Variants in SPEN observed in about 807,000 individuals in gnomAD.
The protein encoded by SPEN is msx2-interacting protein.
In SPEN, 18 loss-of-function variants were observed where a neutral mutation model predicts 269.9. That is an observed-to-expected ratio of 0.07 (90% CI 0.05 to 0.10). The LOEUF is 0.10. Ranked by LOEUF, SPEN falls within the 10% of genes least tolerant of loss-of-function variation. The pLI, the probability that SPEN is intolerant of heterozygous loss-of-function variation, is 1.00. For missense variants in SPEN, 3,822 were observed against 4,631.2 expected, an observed-to-expected ratio of 0.83 and a Z score of 5.07; for synonymous variants, 1,726 against 1,765.7, an observed-to-expected ratio of 0.98 and a Z score of 0.56.
chr1:15,920,243 A>G (rs2071105863), intron 8 of SPEN, among the ~76,000 whole-genome samples: 1 of 151,914 alleles, frequency 6.6e-6, no homozygotes, highest in Admixed American at 6.6e-5. Flanking sequence ...CTAGTTTTGT[A>G]TTTTTAGTAC....
At chr1:15,882,450 A>G (rs1256252972) in intron 3 of SPEN, among the ~76,000 whole-genome samples, 1 of 152,138 alleles carries the variant, frequency 6.6e-6, no homozygotes, top group East Asian at 1.9e-4. Flanking sequence ...TCATGAGGTC[A>G]GGAATTCAAG....
intron 1 of SPEN, among the ~76,000 whole-genome samples, chr1:15,859,140 GTTTTTT>G (rs34623941): frequency 2.9e-5 from 4 of 135,666 alleles, no homozygotes; most frequent in Admixed American, 7.4e-5. Context: ...TTCTTTTTTA[GTTTTTT>G]TTTTTTTTTT....
intron 1 of SPEN, among the ~76,000 whole-genome samples, chr1:15,861,088 CT>C (rs2148705367): frequency 6.7e-6 from 1 of 149,966 alleles, no homozygotes; most frequent in South Asian, 2.1e-4. Flanking sequence ...TAAAAAATTG[CT>C]TTTTGGTAGA....
rs753888285 is a variant in SPEN at position 15,934,445 on chromosome 1, A to G, written c.8205A>G (p.Thr2735=). 7.4e-6 allele frequency: 12 copies of G among 1,613,888 alleles called. No homozygotes were observed. The highest frequency in any genetic ancestry group is 4.5e-5 in the East Asian group (2 of 44,900). The change falls in exon 11 of 15, where the codon ACA becomes ACG. Residue 2735 remains threonine (T), a synonymous_variant. Coordinates refer to ENST00000375759, the MANE Select transcript of SPEN (RefSeq NM_015001.3). The surrounding 1 kb of genome is among the most constrained non-coding windows in gnomAD (Gnocchi z 9.2). ...CCGCTGCGAGTGCAGTGAATGCCAC[A>G]GCAAGTGCAGTGACCGTCACAGCGG... The part of the protein sequence containing the change: ...VNAAASAVNA[T]ASAVTVTAGA...
chr1:15,924,097 A>T (rs1415054797), intron 10 of SPEN, among the ~76,000 whole-genome samples: 1 of 152,196 alleles, frequency 6.6e-6, no homozygotes, highest in Non-Finnish European at 1.5e-5. Flanking sequence ...ATACTCCTTT[A>T]GCTAGAAAGT....
At chr1:15,874,348 C>T in intron 2 of SPEN, 1 of 1,366,358 alleles carries the variant, frequency 7.3e-7, no homozygotes, top group Non-Finnish European at 9.8e-7. Context: ...ACAATTCTCT[C>T]CCTAGATTTA....
intron 1 of SPEN, among the ~76,000 whole-genome samples, chr1:15,853,351 T>C (rs1167780430): frequency 1.3e-5 from 2 of 151,314 alleles, no homozygotes; most frequent in Non-Finnish European, 2.9e-5. Flanking sequence ...CATGCCTGGC[T>C]AATTTTTGTA....
At chr1:15,915,878 G>T (rs2071062518) in intron 5 of SPEN, among the ~76,000 whole-genome samples, 1 of 151,724 alleles carries the variant, frequency 6.6e-6, no homozygotes, top group Non-Finnish European at 1.5e-5. Flanking sequence ...TAATTTTAAA[G>T]GTTAAACAAA....
chr1:15,902,326 A>T (rs374971530), intron 3 of SPEN, among the ~76,000 whole-genome samples: 1 of 152,204 alleles, frequency 6.6e-6, no homozygotes, highest in African/African-American at 2.4e-5. Context: ...GGTGAAGTAT[A>T]TGAAGAAAAT....
chr1:15,926,266 G>T (rs1177536925), intron 10 of SPEN, among the ~76,000 whole-genome samples: 2 of 151,974 alleles, frequency 1.3e-5, no homozygotes, highest in South Asian at 4.2e-4. Flanking sequence ...GCGTGGTGGC[G>T]CATGCCTGTA....
intron 3 of SPEN, among the ~76,000 whole-genome samples, chr1:15,893,315 A>C (rs549113395): frequency 6.6e-6 from 1 of 151,974 alleles, no homozygotes; most frequent in Non-Finnish European, 1.5e-5. Context: ...GTGATTCTTT[A>C]TATGTTATTT....
In SPEN at chr1:15,891,213, CAGT is replaced by C. The variant is rs531001339; in HGVS notation, c.881+14536_881+14538del. Among the ~76,000 whole-genome samples the C allele has an allele frequency of 4.1e-3, 621 of 152,126 alleles. 3 individuals are homozygous for C. Among genetic ancestry groups the C allele is most frequent in the African/African-American group, 0.014 (601 of 41,506 alleles). ...TATGAAAAAAATTTTTTTTTAGAGG[CAGT>C]CTTGCTCTGTCACCCTGGCTGGAGT... On this transcript the variant is annotated intron_variant, in intron 3 of 14. Coordinates refer to ENST00000375759, the MANE Select transcript of SPEN (RefSeq NM_015001.3).
intron 3 of SPEN, among the ~76,000 whole-genome samples, chr1:15,884,322 C>T (rs936042782): frequency 2.6e-5 from 4 of 152,144 alleles, no homozygotes; most frequent in African/African-American, 9.7e-5. Flanking sequence ...GAATTTTACT[C>T]ACATATCCTT....
chr1:15,915,410 G>C (rs1024684585), intron 5 of SPEN, among the ~76,000 whole-genome samples: 1 of 152,140 alleles, frequency 6.6e-6, no homozygotes, highest in East Asian at 1.9e-4. Flanking sequence ...GATTGCTTGA[G>C]CCTGGGAGGT....
At chr1:15,869,102 G>A (rs745782084) in intron 1 of SPEN, among the ~76,000 whole-genome samples, 3 of 152,084 alleles carry the variant, frequency 2.0e-5, no homozygotes, top group Non-Finnish European at 2.9e-5. Flanking sequence ...TGTTGCCTAG[G>A]CTGGAGTGCA....
chr1:15,894,441 A>G (rs1257934108), intron 3 of SPEN, among the ~76,000 whole-genome samples: 6 of 151,890 alleles, frequency 4.0e-5, no homozygotes, highest in African/African-American at 1.2e-4. Flanking sequence ...AAGAAGTCAC[A>G]TGATTCTTAA....
chr1:15,850,164 A>C (rs1166556872), intron 1 of SPEN, among the ~76,000 whole-genome samples: 1 of 152,128 alleles, frequency 6.6e-6, no homozygotes, highest in South Asian at 2.1e-4. Flanking sequence ...GGGAATCAGC[A>C]GAGCCGATCT....
chr1:15,926,124 A>AT (rs2071163820), intron 10 of SPEN, among the ~76,000 whole-genome samples: 1 of 152,182 alleles, frequency 6.6e-6, no homozygotes, highest in African/African-American at 2.4e-5. Flanking sequence ...GGCCAGGCAC[A>AT]GTGGCTCATG....
chr1:15,895,435 C>G (rs1257286404), intron 3 of SPEN, among the ~76,000 whole-genome samples: 3 of 152,156 alleles, frequency 2.0e-5, no homozygotes, highest in Non-Finnish European at 2.9e-5. Flanking sequence ...CCTTTTGTGT[C>G]TGGCTTATTT....
Sources: allele counts gnomAD v4.1 joint callset (sites outside exome capture counted in the v4.1 genomes callset), GRCh38; gene constraint gnomAD v4.1.1; non-coding constraint Gnocchi (gnomAD v3.1); transcripts MANE v1.5; gene names NCBI Gene and HGNC (gene_info 2026-07-23, HGNC 2026-07-21).